Variants in PIK3C2G observed in about 807,000 individuals in gnomAD.
PIK3C2G encodes the protein phosphatidylinositol 3-kinase C2 domain-containing subunit gamma.
In PIK3C2G, 168 loss-of-function variants were observed where a neutral mutation model predicts 181.1. That is an observed-to-expected ratio of 0.93 (90% CI 0.82 to 1.05). PIK3C2G has a LOEUF of 1.05. PIK3C2G is among the 50% of genes least tolerant of loss of function. The pLI, the probability that PIK3C2G is intolerant of heterozygous loss-of-function variation, is 0.00. For missense variants in PIK3C2G, 1,869 were observed against 1,732.8 expected, an observed-to-expected ratio of 1.08 and a Z score of -1.40; for synonymous variants, 573 against 592.2, an observed-to-expected ratio of 0.97 and a Z score of 0.47.
intron 12 of PIK3C2G, among the ~76,000 whole-genome samples, chr12:18,370,583 C>A (rs1044165861): frequency 3.3e-5 from 5 of 152,122 alleles, no homozygotes; most frequent in Non-Finnish European, 7.4e-5. Flanking sequence ...AGTTGAAATT[C>A]TTTTGCCTGG....
intron 1 of PIK3C2G, among the ~76,000 whole-genome samples, chr12:18,279,763 G>A (rs577320435): frequency 6.6e-6 from 1 of 151,948 alleles, no homozygotes; most frequent in South Asian, 2.1e-4. Flanking sequence ...TAATGATATA[G>A]CTATGTGACT....
chr12:18,271,342 T>A (rs1465652367), intron 1 of PIK3C2G, among the ~76,000 whole-genome samples: 1 of 152,146 alleles, frequency 6.6e-6, no homozygotes, highest in East Asian at 1.9e-4. Flanking sequence ...CCCAGAGAAC[T>A]TCAAAGCCAT....
chr12:18,581,710 A>G (rs1198962055), intron 29 of PIK3C2G, among the ~76,000 whole-genome samples: 6 of 152,232 alleles, frequency 3.9e-5, no homozygotes, highest in Admixed American at 3.3e-4. Context: ...AGGTGGATTC[A>G]TGTATCTCAA....
At chr12:18,510,850 C>T (rs1159406926) in intron 24 of PIK3C2G, among the ~76,000 whole-genome samples, 1 of 152,132 alleles carries the variant, frequency 6.6e-6, no homozygotes, top group Non-Finnish European at 1.5e-5. Context: ...TATGGTGAGA[C>T]ATTTGAAATT....
chr12:18,441,497 G>A (rs999837489), intron 18 of PIK3C2G, among the ~76,000 whole-genome samples: 2 of 152,054 alleles, frequency 1.3e-5, no homozygotes, highest in Non-Finnish European at 2.9e-5. Flanking sequence ...AGAATTTCTG[G>A]TGCAAAATCC....
At chr12:18,579,305 A>G (rs1946377589) in intron 29 of PIK3C2G, among the ~76,000 whole-genome samples, 1 of 152,250 alleles carries the variant, frequency 6.6e-6, no homozygotes, top group African/African-American at 2.4e-5. Flanking sequence ...TAGCTTTAAC[A>G]TGAAATCGTA....
intron 18 of PIK3C2G, among the ~76,000 whole-genome samples, chr12:18,463,643 C>A (rs576336110): frequency 3.3e-5 from 5 of 152,140 alleles, no homozygotes; most frequent in Non-Finnish European, 7.4e-5. Context: ...TGCATTTATT[C>A]TCTGGTGCAA....
At chr12:18,547,328 A>G (rs1227302437) in intron 26 of PIK3C2G, among the ~76,000 whole-genome samples, 1 of 151,920 alleles carries the variant, frequency 6.6e-6, no homozygotes, top group Non-Finnish European at 1.5e-5. Flanking sequence ...CTTCATGGGG[A>G]TGTCGTACAC....
chr12:18,561,612 C>A (rs1272013791), intron 26 of PIK3C2G, among the ~76,000 whole-genome samples: 3 of 151,630 alleles, frequency 2.0e-5, no homozygotes, highest in Non-Finnish European at 2.9e-5. Context: ...AGGGAACGAA[C>A]AGTATGAAAA....
intron 25 of PIK3C2G, among the ~76,000 whole-genome samples, chr12:18,539,495 A>G (rs1258787025): frequency 6.6e-6 from 1 of 151,882 alleles, no homozygotes; most frequent in African/African-American, 2.4e-5. Context: ...AATATCCTCT[A>G]GTCACGTTTG....
intron 31 of PIK3C2G, among the ~76,000 whole-genome samples, chr12:18,610,378 C>G (rs1428179750): frequency 6.6e-6 from 1 of 152,042 alleles, no homozygotes; most frequent in African/African-American, 2.4e-5. Context: ...TCTGAGGATG[C>G]CTTTGGAAGG....
chr12:18,641,416 T>TA (rs1420763279), intron 32 of PIK3C2G, among the ~76,000 whole-genome samples: 1 of 152,150 alleles, frequency 6.6e-6, no homozygotes, highest in Non-Finnish European at 1.5e-5. Flanking sequence ...CTGGATCAGT[T>TA]ATACAGCAGC....
At chr12:18,655,245 T>A in the PIK3C2G span, among the ~76,000 whole-genome samples, 2 of 152,180 alleles carry the variant, frequency 1.3e-5, no homozygotes, top group African/African-American at 4.8e-5. Context: ...GTAAAGAACC[T>A]GCTTCCAGTG....
rs369282506 is a variant in PIK3C2G at position 18,334,279 on chromosome 12, A to G, written c.1273-4147A>G. The stretch of plus-strand genomic sequence containing the variant: ...CAGGCAGCCTACGCAGTTTTTGGAC[A>G]AATAATTTTAAGAAAAATTTTTCTT... On this transcript the variant is annotated intron_variant, in intron 8 of 32. Coordinates refer to ENST00000538779, the MANE Select transcript of PIK3C2G (RefSeq NM_001288772.2). Among the ~76,000 whole-genome samples the G allele has an allele frequency of 1.1e-4, 17 of 152,242 alleles. No homozygotes were observed. In the South Asian group the frequency reaches 2.1e-3, roughly 19 times the overall value.
chr12:18,666,561 A>G, the PIK3C2G span, among the ~76,000 whole-genome samples: 1 of 152,210 alleles, frequency 6.6e-6, no homozygotes, highest in Non-Finnish European at 1.5e-5. Context: ...AACCCCCAAA[A>G]TATGTGAAGC....
chr12:18,418,399 T>G (rs767258366), intron 16 of PIK3C2G, among the ~76,000 whole-genome samples: 12 of 152,218 alleles, frequency 7.9e-5, no homozygotes, highest in Middle Eastern at 3.4e-3. Flanking sequence ...GTAGAATATA[T>G]CAATGAGCCA....
chr12:18,573,288 A>G (rs1431516984), intron 29 of PIK3C2G, among the ~76,000 whole-genome samples: 4 of 152,158 alleles, frequency 2.6e-5, no homozygotes, highest in Non-Finnish European at 5.9e-5. Context: ...TCGAAACTGA[A>G]CTATAGCCTT....
chr12:18,519,603 TATGTGTC>T (rs1353031941), intron 24 of PIK3C2G, among the ~76,000 whole-genome samples: 1 of 152,178 alleles, frequency 6.6e-6, no homozygotes, highest in Non-Finnish European at 1.5e-5. Context: ...TTTGAGCCCA[TATGTGTC>T]TTTGTATGTG....
chr12:18,365,687 C>G (rs1214043765), intron 12 of PIK3C2G, among the ~76,000 whole-genome samples: 2 of 152,156 alleles, frequency 1.3e-5, no homozygotes, highest in African/African-American at 4.8e-5. Flanking sequence ...TATTCCCTCA[C>G]TTTTCTCTTA....
Sources: allele counts gnomAD v4.1 joint callset (sites outside exome capture counted in the v4.1 genomes callset), GRCh38; gene constraint gnomAD v4.1.1; transcripts MANE v1.5; gene names NCBI Gene and HGNC (gene_info 2026-07-23, HGNC 2026-07-21).